The following EYS variants were observed in gnomAD, a reference collection of about 807,000 sequenced individuals.
EYS encodes EGF-like photoreceptor maintenance factor, also known as protein eyes shut homolog.
Under a neutral mutation model 282.1 loss-of-function variants are expected in EYS, and 250 were observed. That is an observed-to-expected ratio of 0.89 (90% CI 0.80 to 0.98). The LOEUF (loss-of-function observed/expected upper bound fraction) is 0.98, where lower values mean the gene tolerates loss of function less well. Ranked by LOEUF, EYS falls within the 50% of genes least tolerant of loss-of-function variation. EYS has a pLI of 0.00. For missense variants in EYS, 4,016 were observed against 3,709.0 expected (o/e 1.08, Z -2.15); for synonymous variants, 1,355 against 1,282.9 (o/e 1.06, Z -1.20).
At chr6:63,756,492 G>T (rs1347852065) in intron 41 of EYS, among the ~76,000 whole-genome samples, 1 of 152,118 alleles carries the variant, frequency 6.6e-6, no homozygotes, top group Non-Finnish European at 1.5e-5. Context: ...GATCATGGTG[G>T]ATAAGCTTTT....
intron 26 of EYS, among the ~76,000 whole-genome samples, chr6:64,481,345 A>G (rs966076312): frequency 6.7e-6 from 1 of 149,520 alleles, no homozygotes; most frequent in Non-Finnish European, 1.5e-5. Flanking sequence ...AAATAGTACA[A>G]ACTCTTCCCA....
At chr6:64,927,290 C>T (rs957551603) in intron 15 of EYS, among the ~76,000 whole-genome samples, 1 of 152,016 alleles carries the variant, frequency 6.6e-6, no homozygotes, top group Non-Finnish European at 1.5e-5. Flanking sequence ...GATAGTTACT[C>T]GGGGCATGCA....
intron 22 of EYS, among the ~76,000 whole-genome samples, chr6:64,812,743 A>C (rs1764633976): frequency 6.6e-6 from 1 of 150,870 alleles, no homozygotes; most frequent in Admixed American, 6.7e-5. Flanking sequence ...GAGGTCAAGT[A>C]TGTGTGTATA....
chr6:64,739,665 A>G (rs1237883586), intron 22 of EYS, among the ~76,000 whole-genome samples: 1 of 152,192 alleles, frequency 6.6e-6, no homozygotes, highest in African/African-American at 2.4e-5. Context: ...AGAAGCACCT[A>G]GAATAAAAAC....
intron 26 of EYS, among the ~76,000 whole-genome samples, chr6:64,539,892 T>A (rs1209074014): frequency 1.3e-5 from 2 of 152,198 alleles, no homozygotes; most frequent in Non-Finnish European, 2.9e-5. Flanking sequence ...ACAGTTCAGA[T>A]TCTAAGAATG....
At chr6:64,664,154 A>G (rs969709422) in intron 22 of EYS, among the ~76,000 whole-genome samples, 4 of 152,232 alleles carry the variant, frequency 2.6e-5, no homozygotes, top group Admixed American at 1.3e-4. Context: ...ATGCAGTTGC[A>G]TGATTTAATA....
intron 2 of EYS, among the ~76,000 whole-genome samples, chr6:65,504,512 G>A (rs570996116): frequency 1.3e-5 from 2 of 151,734 alleles, no homozygotes; most frequent in Admixed American, 6.6e-5. Flanking sequence ...TTTTCTACAC[G>A]AATTAGCATA....
chr6:64,801,461 GTTAC>G (rs1338933793), intron 22 of EYS, among the ~76,000 whole-genome samples: 12 of 151,982 alleles, frequency 7.9e-5, no homozygotes, highest in East Asian at 1.9e-4. Context: ...CACATCCAAA[GTTAC>G]TTACATATAA....
intron 12 of EYS, among the ~76,000 whole-genome samples, chr6:65,109,017 A>AT (rs1214878863): frequency 1.1e-4 from 17 of 151,480 alleles, no homozygotes; most frequent in South Asian, 4.2e-4. Context: ...CAGAAATTGT[A>AT]TTTTTTTTAG....
chr6:63,768,473 T>G (rs1769851410), intron 40 of EYS, among the ~76,000 whole-genome samples: 1 of 151,792 alleles, frequency 6.6e-6, no homozygotes, highest in African/African-American at 2.4e-5. Flanking sequence ...ATAGATTAAG[T>G]AATGCTCAAC....
intron 29 of EYS, among the ~76,000 whole-genome samples, chr6:64,376,460 A>G (rs528558999): frequency 2.6e-5 from 4 of 152,320 alleles, no homozygotes; most frequent in Middle Eastern, 3.4e-3. Flanking sequence ...GAGGCTGAAG[A>G]ATCTGAAATA....
chr6:63,908,041 T>TATATATATATATATATATATACAC (rs1477571845), intron 35 of EYS, among the ~76,000 whole-genome samples: 3 of 40,280 alleles, frequency 7.4e-5, no homozygotes, highest in African/African-American at 7.4e-4. Flanking sequence ...TACGTTTGTG[T>TATATATATATATATATATATACAC]GTGTGTGTGT....
chr6:65,367,336 C>A (rs1451437623), intron 8 of EYS, among the ~76,000 whole-genome samples: 1 of 151,704 alleles, frequency 6.6e-6, no homozygotes, highest in South Asian at 2.1e-4. Flanking sequence ...ACATAAATAA[C>A]CTGACCTTAT....
chr6:65,435,688 T>G (rs547004184), intron 5 of EYS, among the ~76,000 whole-genome samples: 362 of 152,286 alleles, frequency 2.4e-3, no homozygotes, highest in Admixed American at 5.0e-3. Context: ...GACTGAATTG[T>G]GTCCTTGTCA....
At chr6:63,807,960 A>G (rs1424827197) in intron 36 of EYS, among the ~76,000 whole-genome samples, 1 of 152,218 alleles carries the variant, frequency 6.6e-6, no homozygotes, top group Non-Finnish European at 1.5e-5. Flanking sequence ...ATACTAAAAT[A>G]GAAAAGGAAT....
chr6:64,965,782 G>T (rs1254065626), intron 14 of EYS, among the ~76,000 whole-genome samples: 4 of 152,102 alleles, frequency 2.6e-5, no homozygotes, highest in African/African-American at 9.6e-5. Context: ...CATATATTAA[G>T]ATACAGCTAC....
intron 33 of EYS, among the ~76,000 whole-genome samples, chr6:64,060,129 CAT>C (rs1491561843): frequency 6.6e-6 from 1 of 152,134 alleles, no homozygotes; most frequent in African/African-American, 2.4e-5. Flanking sequence ...AAGGCTCTCA[CAT>C]AGTTTCCTGG....
At chr6:64,839,294 AT>A (rs1313026499) in intron 19 of EYS, among the ~76,000 whole-genome samples, 1 of 152,038 alleles carries the variant, frequency 6.6e-6, no homozygotes, top group Non-Finnish European at 1.5e-5. Flanking sequence ...TCCACATATA[AT>A]TTTTATAGAT....
chr6:64,456,642 G>A (rs895530716), intron 26 of EYS, among the ~76,000 whole-genome samples: 2 of 151,854 alleles, frequency 1.3e-5, no homozygotes, highest in Admixed American at 6.6e-5. Flanking sequence ...GAAAGTTATT[G>A]CAACAAAAAT....
Sources: gnomAD v4.1 joint callset for allele counts (sites outside exome capture counted in the v4.1 genomes callset) on GRCh38, gnomAD v4.1.1 for gene constraint, MANE v1.5 for transcripts, NCBI Gene and HGNC (gene_info 2026-07-23, HGNC 2026-07-21) for gene names.